PREX2: variants seen among roughly 807,000 people sequenced by gnomAD.
PREX2 encodes the protein phosphatidylinositol 3,4,5-trisphosphate-dependent Rac exchanger 2 protein.
A neutral mutation model predicts 203.2 loss-of-function variants in PREX2; 107 were observed. The ratio of observed to expected loss-of-function variants is 0.53; its 90% CI spans 0.45 to 0.62. The LOEUF (loss-of-function observed/expected upper bound fraction) is 0.62, where lower values mean the gene tolerates loss of function less well. Among genes scored for constraint, PREX2 ranks in the 20% least tolerant of loss-of-function variants. PREX2 has a pLI of 0.00. For missense variants in PREX2, 1,777 were observed against 1,955.9 expected (o/e 0.91, Z 1.72); for synonymous variants, 672 against 663.6 (o/e 1.01, Z -0.19).
rs570094614 is a variant in PREX2 at position 68,085,579 on chromosome 8, T to G, written c.2028-2145T>G. ...CATCAAGGGATTTTTCAAAAGACTTTGTAGCAGATAATTTAGTACACTTAT... is the reference window on the plus strand; with the variant it reads ...CATCAAGGGATTTTTCAAAAGACTTGGTAGCAGATAATTTAGTACACTTAT... On this transcript the variant is annotated intron_variant, in intron 18 of 39. Transcript: ENST00000288368. Among the ~76,000 whole-genome samples, 32 of 152,336 alleles carry G rather than the reference T, an allele frequency of 2.1e-4. No homozygotes were observed. In the South Asian group the frequency reaches 6.6e-3, roughly 32 times the overall value.
intron 4 of PREX2, among the ~76,000 whole-genome samples, chr8:68,024,652 T>C (rs575509290): frequency 1.3e-5 from 2 of 152,174 alleles, no homozygotes; most frequent in East Asian, 3.9e-4. Context: ...ATTATTGATA[T>C]GATGGTATTT....
chr8:68,103,218 A>G (rs1254863269), intron 23 of PREX2, among the ~76,000 whole-genome samples: 1 of 152,170 alleles, frequency 6.6e-6, no homozygotes, highest in Non-Finnish European at 1.5e-5. Context: ...TGGACTGGGA[A>G]AATTGCAGGA....
chr8:67,990,432 T>C (rs1806562548), intron 1 of PREX2, among the ~76,000 whole-genome samples: 1 of 151,454 alleles, frequency 6.6e-6, no homozygotes. Context: ...CAATGGATTC[T>C]GATTTACATG....
chr8:68,118,925 A>T (rs1810712418), intron 27 of PREX2: 1 of 580,652 alleles, frequency 1.7e-6, no homozygotes, highest in African/African-American at 1.8e-5. Flanking sequence ...GATTATAGGT[A>T]CACAGGAAAT....
At chr8:68,069,976 A>AT in intron 13 of PREX2, 92 bp downstream of exon 13, 1 of 664,094 alleles carries the variant, frequency 1.5e-6, no homozygotes, top group South Asian at 2.4e-5. Context: ...TTGTTGGCTT[A>AT]TTTTGTTTTT....
intron 1 of PREX2, among the ~76,000 whole-genome samples, chr8:67,965,478 AATT>A (rs1252881129): frequency 4.6e-5 from 7 of 150,546 alleles, no homozygotes; most frequent in Middle Eastern, 3.4e-3. Context: ...TAACATATGT[AATT>A]ATTATGAGTG....
chr8:68,171,393 AC>A (rs1811873999), intron 35 of PREX2, among the ~76,000 whole-genome samples: 1 of 152,154 alleles, frequency 6.6e-6, no homozygotes, highest in Admixed American at 6.5e-5. Flanking sequence ...AATTTTTTCA[AC>A]TGAGAAATGT....
chr8:68,184,674 C>T (rs1002583948), intron 35 of PREX2, among the ~76,000 whole-genome samples: 1 of 152,120 alleles, frequency 6.6e-6, no homozygotes, highest in Non-Finnish European at 1.5e-5. Flanking sequence ...ATAGTTCCTT[C>T]TTATTTACAA....
chr8:67,968,863 A>G (rs1444830667), intron 1 of PREX2, among the ~76,000 whole-genome samples: 2 of 152,234 alleles, frequency 1.3e-5, no homozygotes, highest in African/African-American at 2.4e-5. Context: ...CTAACCCACA[A>G]GAATGCAAAG....
At chr8:68,217,476 A>C in intron 37 of PREX2, 140 bp from the exon 38 acceptor site, 1 of 609,366 alleles carries the variant, frequency 1.6e-6, no homozygotes, top group Non-Finnish European at 2.9e-6. Flanking sequence ...CTGGTATTTT[A>C]TGTAGAAAAA....
intron 1 of PREX2, among the ~76,000 whole-genome samples, chr8:67,976,360 G>C (rs1362784577): frequency 6.6e-6 from 1 of 151,916 alleles, no homozygotes; most frequent in African/African-American, 2.4e-5. Flanking sequence ...AGAGACCCTG[G>C]AATATGAAAC....
chr8:68,172,265 A>G (rs929361089), intron 35 of PREX2, among the ~76,000 whole-genome samples: 23 of 152,334 alleles, frequency 1.5e-4, no homozygotes, highest in Middle Eastern at 3.4e-3. Flanking sequence ...CCTACACATG[A>G]AATTTATGAA....
chr8:68,142,229 T>G (rs1811244281), intron 33 of PREX2, among the ~76,000 whole-genome samples: 1 of 152,172 alleles, frequency 6.6e-6, no homozygotes, highest in African/African-American at 2.4e-5. Flanking sequence ...TCCACCATTA[T>G]AGTATCATAC....
rs1231234603 is a variant in PREX2 at position 68,072,546 on chromosome 8, A to G, written c.1545A>G (p.Lys515=). ...ACAAATCTGTGGTCATGGCCAACAA[A>G]CTGATAGACTGGTTAATTGCACAGG... is the stretch of plus-strand genomic sequence containing the variant. The part of the protein sequence containing the change: ...RTYKSVVMAN[K]LIDWLIAQGD... Residue 515 remains lysine, a synonymous_variant, in exon 14 of 40, where the codon AAA becomes AAG. Transcript: ENST00000288368. The G allele has an allele frequency of 6.3e-7, 1 of 1,591,284 alleles. No homozygotes were observed. Among genetic ancestry groups the G allele is most frequent in the Non-Finnish European group, 8.6e-7 (1 of 1,159,990 alleles).
At chr8:67,975,235 A>G (rs747427275) in intron 1 of PREX2, among the ~76,000 whole-genome samples, 10 of 144,478 alleles carry the variant, frequency 6.9e-5, no homozygotes, top group Non-Finnish European at 1.4e-4. Flanking sequence ...ATTATAATGA[A>G]CCAATGGATC....
rs565830339 is a variant in PREX2, at chr8:68,220,734, C to T, written c.4707+3016C>T. ...CTTACTCATTTTTGTATCACAGTTT[C>T]CCAAAATAGTACCTAGTACAAAGTA... On this transcript the variant is annotated intron_variant, in intron 38 of 39. Transcript: ENST00000288368. Among the ~76,000 whole-genome samples, 441 of 152,220 alleles carry T rather than the reference C, an allele frequency of 2.9e-3. 1 individual carries two copies. The highest frequency in any genetic ancestry group is 0.01 in the Middle Eastern group (3 of 292).
In PREX2 at chr8:68,232,390, A is replaced by C. The variant is rs537785051; in HGVS notation, c.*1012A>C. 2.6e-5 allele frequency: 4 copies of C among 152,292 alleles called. No individual in the cohort carries two copies. 9.4% of individuals were successfully genotyped at this position (152,292 alleles called of 1,614,324 possible). ...TAAAAGGACCATTAGGGGACTTGTA[A>C]TTTATGGATGCACAAGGTGTATTCT... On this transcript the variant is annotated 3_prime_UTR_variant, in exon 40 of 40. Transcript: ENST00000288368.
chr8:68,220,620 A>G (rs766488025), intron 38 of PREX2, among the ~76,000 whole-genome samples: 1 of 152,110 alleles, frequency 6.6e-6, no homozygotes, highest in Non-Finnish European at 1.5e-5. Context: ...CAAGCAAGCA[A>G]GTTTCTCCAG....
chr8:68,058,962 T>G (rs1296939495), intron 10 of PREX2, among the ~76,000 whole-genome samples: 1 of 150,364 alleles, frequency 6.7e-6, no homozygotes, highest in Non-Finnish European at 1.5e-5. Context: ...TTTTGAATGG[T>G]TCTCATTTAA....
Sources: gnomAD v4.1 joint callset for allele counts (sites outside exome capture counted in the v4.1 genomes callset) on GRCh38, gnomAD v4.1.1 for gene constraint, MANE v1.5 for transcripts, NCBI Gene and HGNC (gene_info 2026-07-23, HGNC 2026-07-21) for gene names.